Variants in PCNX2 observed in about 807,000 individuals in gnomAD.
PCNX2 encodes pecanex-like protein 2.
In PCNX2, 168 loss-of-function variants were observed where a neutral mutation model predicts 223.8. The ratio of observed to expected loss-of-function variants is 0.75; its 90% CI spans 0.66 to 0.85. The LOEUF is 0.85. PCNX2 is among the 40% of genes least tolerant of loss of function. The pLI, the probability that PCNX2 is intolerant of heterozygous loss-of-function variation, is 0.00. For missense variants in PCNX2, 2,507 were observed against 2,675.5 expected (o/e 0.94, Z 1.39); for synonymous variants, 1,006 against 1,052.6 (o/e 0.96, Z 0.86).
At chr1:233,059,207 T>C (rs145814177) in intron 23 of PCNX2, among the ~76,000 whole-genome samples, 2 of 152,320 alleles carry the variant, frequency 1.3e-5, no homozygotes, top group East Asian at 3.9e-4. Context: ...CTGCCTTGAC[T>C]CCTGTGCTGC....
the PCNX2 span, among the ~76,000 whole-genome samples, chr1:233,305,440 T>C: frequency 6.6e-6 from 1 of 152,156 alleles, no homozygotes; most frequent in Non-Finnish European, 1.5e-5. Flanking sequence ...AATTTCATTT[T>C]ATTTTTCTTT....
intron 13 of PCNX2, among the ~76,000 whole-genome samples, chr1:233,206,945 A>G (rs1256243031): frequency 1.3e-5 from 2 of 151,630 alleles, no homozygotes; most frequent in East Asian, 3.9e-4. Context: ...CAGGAGGTGG[A>G]GGTTGCTGTG....
At chr1:233,312,073 A>G in the PCNX2 span, among the ~76,000 whole-genome samples, 1 of 152,176 alleles carries the variant, frequency 6.6e-6, no homozygotes, top group Non-Finnish European at 1.5e-5. Context: ...GGTTGCAGTG[A>G]GCCAAGACCT....
intron 9 of PCNX2, among the ~76,000 whole-genome samples, chr1:233,235,807 G>A (rs1658352799): frequency 6.6e-6 from 1 of 151,638 alleles, no homozygotes; most frequent in African/African-American, 2.4e-5. Flanking sequence ...TTGCCATGTT[G>A]TCCAGGCTGG....
chr1:233,005,657 G>A (rs3820122), intron 28 of PCNX2, among the ~76,000 whole-genome samples: 26,301 of 152,102 alleles, frequency 0.17, 2,908 homozygotes, highest in African/African-American at 0.31. Flanking sequence ...TTCATTACCT[G>A]GCTTTTTTCC....
At chr1:233,185,364 C>G (rs1680035360) in intron 15 of PCNX2, among the ~76,000 whole-genome samples, 1 of 152,102 alleles carries the variant, frequency 6.6e-6, no homozygotes, top group Non-Finnish European at 1.5e-5. Flanking sequence ...GTGGTAAGAC[C>G]AGTACCAGCC....
At chr1:233,280,698 C>T (rs1423461893) in intron 1 of PCNX2, among the ~76,000 whole-genome samples, 2 of 152,146 alleles carry the variant, frequency 1.3e-5, no homozygotes, top group African/African-American at 2.4e-5. Flanking sequence ...ACCCTCAGCA[C>T]CCAGCTTGGT....
At chr1:233,128,956 G>A (rs1676263102) in intron 21 of PCNX2, among the ~76,000 whole-genome samples, 1 of 152,238 alleles carries the variant, frequency 6.6e-6, no homozygotes, top group African/African-American at 2.4e-5. Flanking sequence ...CTCCTGAGAG[G>A]TGACAGTGTG....
chr1:233,107,007 C>T (rs965849140), intron 21 of PCNX2, among the ~76,000 whole-genome samples: 3 of 151,966 alleles, frequency 2.0e-5, no homozygotes, highest in African/African-American at 7.3e-5. Flanking sequence ...GCTTTATGCT[C>T]TTTAAAACAA....
At chr1:233,173,261 G>A (rs950495426) in intron 17 of PCNX2, among the ~76,000 whole-genome samples, 1 of 151,876 alleles carries the variant, frequency 6.6e-6, no homozygotes. Flanking sequence ...CCACCTCCCG[G>A]GTTCAAGTGA....
At chr1:233,185,920 A>G (rs570380207) in intron 15 of PCNX2, among the ~76,000 whole-genome samples, 2 of 152,308 alleles carry the variant, frequency 1.3e-5, no homozygotes, top group African/African-American at 4.8e-5. Flanking sequence ...TTTATGAGGT[A>G]GTAATAAAAC....
intron 15 of PCNX2, among the ~76,000 whole-genome samples, chr1:233,192,534 A>G (rs1680480153): frequency 6.6e-6 from 1 of 152,232 alleles, no homozygotes; most frequent in South Asian, 2.1e-4. Flanking sequence ...AAAACAGCAC[A>G]TGACAAACAA....
At chr1:233,029,511 C>T (rs186655841) in intron 25 of PCNX2, among the ~76,000 whole-genome samples, 1 of 152,086 alleles carries the variant, frequency 6.6e-6, no homozygotes, top group East Asian at 1.9e-4. Flanking sequence ...TGTGTAGAGT[C>T]GATTTTTCAT....
In PCNX2 at chr1:233,246,256, A is replaced by G. The variant is rs113311766; in HGVS notation, c.2222+4483T>C. On this transcript the variant is annotated intron_variant, in intron 8 of 33. Coordinates refer to ENST00000258229, the MANE Select transcript of PCNX2 (RefSeq NM_014801.4). The stretch of plus-strand genomic sequence containing the variant: ...GGGATAAATGCCCTTCAGATGGGAT[A>G]AATGCCCTTCAGATGGGATGAATGC... 9.8e-3 allele frequency among the ~76,000 whole-genome samples: 1,335 copies of G among 135,736 alleles called. 44 individuals are homozygous for G. Among genetic ancestry groups the G allele is most frequent in the African/African-American group, 0.039 (1,137 of 28,870 alleles). The allele number at this position is 135,736 out of a possible 152,430, so 89.0% of individuals were successfully genotyped here.
At chr1:233,032,150 T>A in intron 25 of PCNX2, 1 of 781,394 alleles carries the variant, frequency 1.3e-6, no homozygotes, top group Non-Finnish European at 1.6e-6. Context: ...TTGCCCAGGC[T>A]GGAGTGCAAT....
At chr1:233,179,029 G>A (rs1245195758) in intron 16 of PCNX2, 37 bp downstream of exon 16, 2 of 1,575,790 alleles carry the variant, frequency 1.3e-6, no homozygotes, top group East Asian at 4.5e-5. Flanking sequence ...TATGCCCCCA[G>A]CTCAGTGATG....
At chr1:233,159,025 G>A (rs971581577) in intron 19 of PCNX2, among the ~76,000 whole-genome samples, 7 of 152,072 alleles carry the variant, frequency 4.6e-5, no homozygotes, top group Non-Finnish European at 7.4e-5. Flanking sequence ...ATAATAATTT[G>A]CATTTCAGTA....
At chr1:233,244,790 A>G (rs1659004487) in intron 8 of PCNX2, among the ~76,000 whole-genome samples, 1 of 152,200 alleles carries the variant, frequency 6.6e-6, no homozygotes, top group South Asian at 2.1e-4. Context: ...TTCTATGTAG[A>G]TTGGTTTTAA....
intron 25 of PCNX2, among the ~76,000 whole-genome samples, chr1:233,029,156 T>C (rs906605975): frequency 3.3e-5 from 5 of 152,172 alleles, no homozygotes; most frequent in Non-Finnish European, 7.4e-5. Context: ...ATTTTTTAAT[T>C]GAGCAACTTT....
Sources: gnomAD v4.1 joint callset for allele counts (sites outside exome capture counted in the v4.1 genomes callset) on GRCh38, gnomAD v4.1.1 for gene constraint, MANE v1.5 for transcripts, NCBI Gene and HGNC (gene_info 2026-07-23, HGNC 2026-07-21) for gene names.